LARP1B: variants seen among roughly 807,000 people sequenced by gnomAD.
LARP1B encodes La ribonucleoprotein 1B, also known as la-related protein 1B.
LARP1B carries 76 observed loss-of-function variants against 114.2 expected under a neutral mutation model. The ratio of observed to expected loss-of-function variants is 0.67; its 90% CI spans 0.55 to 0.81. The LOEUF (loss-of-function observed/expected upper bound fraction) is 0.81, where lower values mean the gene tolerates loss of function less well. LARP1B is among the 30% of genes least tolerant of loss of function. The pLI is 0.00. For missense variants in LARP1B, 1,014 were observed against 1,075.8 expected (o/e 0.94, Z 0.80); for synonymous variants, 345 against 348.0 (o/e 0.99, Z 0.10).
At chr4:128,098,648 C>T (rs894793865) in intron 8 of LARP1B, among the ~76,000 whole-genome samples, 3 of 147,812 alleles carry the variant, frequency 2.0e-5, no homozygotes, top group East Asian at 4.0e-4. Flanking sequence ...CAGGGCTGGG[C>T]GTGGCGGCTC....
chr4:128,174,198 GA>G (rs1236234229), intron 12 of LARP1B, among the ~76,000 whole-genome samples: 1 of 151,940 alleles, frequency 6.6e-6, no homozygotes, highest in Non-Finnish European at 1.5e-5. Flanking sequence ...TGGCTATTAT[GA>G]AAAATGCTAT....
intron 1 of LARP1B, chr4:128,061,637 A>G (rs892332217): frequency 2.1e-5 from 20 of 968,988 alleles, no homozygotes; most frequent in Non-Finnish European, 2.3e-5. Flanking sequence ...AGAGACGGGC[A>G]GTCGGGTTCC....
At chr4:128,062,488 C>G (rs1216231991) in intron 1 of LARP1B, among the ~76,000 whole-genome samples, 2 of 152,094 alleles carry the variant, frequency 1.3e-5, no homozygotes, top group African/African-American at 4.8e-5. Flanking sequence ...GCGGCGCATC[C>G]CTGCTGGCGC....
chr4:128,196,257 A>G (rs1754045052), intron 15 of LARP1B, among the ~76,000 whole-genome samples: 1 of 151,030 alleles, frequency 6.6e-6, no homozygotes, highest in Non-Finnish European at 1.5e-5. Context: ...TCAAAAAAAA[A>G]AAAAAAAAAA....
intron 6 of LARP1B, among the ~76,000 whole-genome samples, chr4:128,219,546 CA>C (rs1210186180): frequency 2.9e-5 from 3 of 101,774 alleles, no homozygotes; most frequent in Admixed American, 2.3e-4. Flanking sequence ...ATCGCAAGAA[CA>C]AAAAACCAAA....
At chr4:128,131,905 T>C (rs1791686966) in intron 11 of LARP1B, among the ~76,000 whole-genome samples, 1 of 152,150 alleles carries the variant, frequency 6.6e-6, no homozygotes, top group Non-Finnish European at 1.5e-5. Flanking sequence ...AAGACAGATA[T>C]ACTGACAAGT....
chr4:128,214,774 C>T (rs1224700846), downstream of LARP1B, among the ~76,000 whole-genome samples: 1 of 45,156 alleles, frequency 2.2e-5, no homozygotes, highest in Admixed American at 2.5e-4. Flanking sequence ...TCACCAGCAA[C>T]GGAACAAAGC....
At chr4:128,212,999 A>G (rs550617896), downstream of LARP1B, among the ~76,000 whole-genome samples, 2 of 144,076 alleles carry the variant, frequency 1.4e-5, no homozygotes, top group Admixed American at 1.5e-4. Context: ...TCTCACTGCA[A>G]CTTCCACCTT....
chr4:128,089,012 A>T (rs1774803395), intron 5 of LARP1B, among the ~76,000 whole-genome samples: 1 of 152,132 alleles, frequency 6.6e-6, no homozygotes, highest in African/African-American at 2.4e-5. Flanking sequence ...AGCATTGAGG[A>T]TGGAACTATG....
intron 10 of LARP1B, among the ~76,000 whole-genome samples, chr4:128,116,145 TAGG>T (rs1214823962): frequency 2.0e-5 from 3 of 152,160 alleles, no homozygotes; most frequent in South Asian, 2.1e-4. Context: ...AAAAGAGAAA[TAGG>T]AGATCCTTGT....
At chr4:128,078,470 G>A (rs1236528651) in intron 4 of LARP1B, among the ~76,000 whole-genome samples, 1 of 151,740 alleles carries the variant, frequency 6.6e-6, no homozygotes, top group Non-Finnish European at 1.5e-5. Context: ...ACATCGTGTT[G>A]CGCACTTGTA....
At chr4:128,062,016 C>T (rs897527724) in intron 1 of LARP1B, 1 of 985,142 alleles carries the variant, frequency 1.0e-6, no homozygotes, top group African/African-American at 1.7e-5. Flanking sequence ...CCACCGCCAC[C>T]GCCGCCGCCG....
chr4:128,116,577 G>A (rs918225417), intron 10 of LARP1B, among the ~76,000 whole-genome samples: 7 of 152,122 alleles, frequency 4.6e-5, no homozygotes, highest in Non-Finnish European at 8.8e-5. Context: ...GGAGAACTGT[G>A]TAGTTTTATG....
At chr4:128,212,912 CTTTTTTTTTTTT>C (rs1174891101), downstream of LARP1B, among the ~76,000 whole-genome samples, 2 of 83,740 alleles carry the variant, frequency 2.4e-5, no homozygotes, top group Non-Finnish European at 4.3e-5. Flanking sequence ...AAATCTCTCT[CTTTTTTTTTTTT>C]TTTTTTTTTT....
At chr4:128,186,397 T>C (rs1044683854) in intron 15 of LARP1B, among the ~76,000 whole-genome samples, 4 of 152,208 alleles carry the variant, frequency 2.6e-5, no homozygotes, top group Admixed American at 2.6e-4. Context: ...TGGTTACACT[T>C]ATACCTAGAT....
chr4:128,172,936 A>AGTGTGTGT (rs1452279399), intron 12 of LARP1B, among the ~76,000 whole-genome samples: 9 of 79,208 alleles, frequency 1.1e-4, no homozygotes, highest in African/African-American at 6.6e-4. Flanking sequence ...AATCCCATCC[A>AGTGTGTGT]ATGTGTGTGT....
At chr4:128,170,872 CTTTT>C (rs70966085) in intron 12 of LARP1B, among the ~76,000 whole-genome samples, 3 of 95,000 alleles carry the variant, frequency 3.2e-5, no homozygotes, top group Non-Finnish European at 4.3e-5. Context: ...TTTTTCTTTT[CTTTT>C]TTTTTTTTTT....
At chr4:128,219,708 G>A (rs1180062080) in intron 6 of LARP1B, among the ~76,000 whole-genome samples, 1 of 145,738 alleles carries the variant, frequency 6.9e-6, no homozygotes, top group Non-Finnish European at 1.5e-5. Flanking sequence ...TGACGCGTTA[G>A]TGGGTGCAGC....
At chr4:128,176,779 T>G in intron 12 of LARP1B, 93 bp from the exon 13 acceptor site, 1 of 1,162,136 alleles carries the variant, frequency 8.6e-7, no homozygotes. Context: ...TGGGATGATA[T>G]GTAAGAAAAT....
Sources: gnomAD v4.1 joint callset for allele counts (sites outside exome capture counted in the v4.1 genomes callset) on GRCh38, gnomAD v4.1.1 for gene constraint, MANE v1.5 for transcripts, NCBI Gene and HGNC (gene_info 2026-07-23, HGNC 2026-07-21) for gene names.